Variants in KALRN observed in about 807,000 individuals in gnomAD.
The protein encoded by KALRN is kalirin.
A neutral mutation model predicts 353.7 loss-of-function variants in KALRN; 70 were observed. The observed-to-expected ratio is 0.20, with a 90% confidence interval of 0.16 to 0.24. KALRN has a LOEUF of 0.24. Among genes scored for constraint, KALRN ranks in the 10% least tolerant of loss-of-function variants. The pLI is 1.00. For missense variants in KALRN, 2,791 were observed against 3,756.7 expected (o/e 0.74, Z 6.72); for synonymous variants, 1,391 against 1,434.8 (o/e 0.97, Z 0.69).
At chr3:124,654,095 G>T (rs1312510848) in intron 38 of KALRN, among the ~76,000 whole-genome samples, 1 of 152,158 alleles carries the variant, frequency 6.6e-6, no homozygotes, top group African/African-American at 2.4e-5. Flanking sequence ...TCTCCAGAGG[G>T]CCCTCCCAGC....
chr3:124,518,897 A>C, intron 33 of KALRN: 1 of 1,013,338 alleles, frequency 9.9e-7, no homozygotes, highest in Non-Finnish European at 1.2e-6. Context: ...CATTTCTATT[A>C]TCAGTGGCCC....
chr3:124,221,837 A>C (rs913158004), intron 1 of KALRN, among the ~76,000 whole-genome samples: 1 of 152,130 alleles, frequency 6.6e-6, no homozygotes, highest in African/African-American at 2.4e-5. Flanking sequence ...ATTGGGGGAA[A>C]TGGACACTCG....
chr3:124,218,131 G>A (rs2150576355), intron 1 of KALRN, among the ~76,000 whole-genome samples: 1 of 152,280 alleles, frequency 6.6e-6, no homozygotes, highest in East Asian at 1.9e-4. Flanking sequence ...TGGAGAGGTG[G>A]TTGAGGGGAG....
chr3:124,595,904 A>T (rs2076222594), intron 34 of KALRN, among the ~76,000 whole-genome samples: 1 of 152,176 alleles, frequency 6.6e-6, no homozygotes, highest in Admixed American at 6.5e-5. Flanking sequence ...GGGTATAAAA[A>T]GTATATTTTG....
intron 1 of KALRN, among the ~76,000 whole-genome samples, chr3:124,158,984 C>T (rs547843516): frequency 2.0e-5 from 3 of 152,236 alleles, no homozygotes; most frequent in Non-Finnish European, 2.9e-5. Flanking sequence ...GACTCAGGGC[C>T]CTATAGGATC....
chr3:124,656,233 GAA>G (rs879342189), intron 39 of KALRN, among the ~76,000 whole-genome samples: 1 of 144,082 alleles, frequency 6.9e-6, no homozygotes. Flanking sequence ...ACACTTGGAT[GAA>G]AAAAAAAAAG....
intron 34 of KALRN, among the ~76,000 whole-genome samples, chr3:124,623,374 A>AG (rs1491394774): frequency 6.3e-5 from 1 of 15,962 alleles, no homozygotes; most frequent in African/African-American, 6.6e-4. Context: ...CTAATAGGAG[A>AG]TATATATATA....
chr3:124,672,948 A>G (rs638779), intron 48 of KALRN, among the ~76,000 whole-genome samples: 94,528 of 152,074 alleles, frequency 0.62, 30,502 homozygotes, highest in African/African-American at 0.81. Flanking sequence ...TATTGGTTAT[A>G]TTAAAAAATT....
intron 13 of KALRN, among the ~76,000 whole-genome samples, chr3:124,402,974 C>T (rs1366290894): frequency 6.6e-6 from 1 of 152,176 alleles, no homozygotes; most frequent in Non-Finnish European, 1.5e-5. Context: ...ACTCGTTAAA[C>T]CACGTGTCTT....
chr3:124,286,705 T>C (rs2075946011), intron 5 of KALRN, among the ~76,000 whole-genome samples: 1 of 152,246 alleles, frequency 6.6e-6, no homozygotes, highest in Non-Finnish European at 1.5e-5. Context: ...TAGATTATGA[T>C]TCTCCATTGG....
chr3:124,442,233 C>T (rs151321308), intron 19 of KALRN, among the ~76,000 whole-genome samples, 174 bp downstream of exon 19: 7 of 152,240 alleles, frequency 4.6e-5, no homozygotes, highest in East Asian at 1.9e-4. Context: ...TTTTTAAACA[C>T]GCATCAAGAT....
At chr3:124,516,903 C>T (rs1399518608) in intron 33 of KALRN, among the ~76,000 whole-genome samples, 4 of 151,962 alleles carry the variant, frequency 2.6e-5, no homozygotes, top group South Asian at 4.2e-4. Flanking sequence ...CTGCAACCTC[C>T]GCCTCCCAGG....
chr3:124,381,396 A>G (rs1208994582), intron 10 of KALRN, among the ~76,000 whole-genome samples: 2 of 152,182 alleles, frequency 1.3e-5, no homozygotes, highest in Non-Finnish European at 2.9e-5. Context: ...GAAGAAGGGC[A>G]TTGCACACCG....
chr3:124,227,766 A>C (rs1188019058), intron 1 of KALRN, among the ~76,000 whole-genome samples: 1 of 130,336 alleles, frequency 7.7e-6, no homozygotes, highest in African/African-American at 2.9e-5. Context: ...CCTCTCCTTG[A>C]GAAGGACTAG....
chr3:124,273,890 T>C (rs2074429245), intron 5 of KALRN, among the ~76,000 whole-genome samples: 1 of 152,216 alleles, frequency 6.6e-6, no homozygotes, highest in Non-Finnish European at 1.5e-5. Context: ...TCACCACTCA[T>C]TGGCCTGGTG....
chr3:124,334,670 T>C lies in KALRN; in HGVS notation c.1647+175T>C, dbSNP rs2080941684. On this transcript the variant is annotated intron_variant, in intron 9 of 59. Coordinates refer to ENST00000682506, the MANE Select transcript of KALRN (RefSeq NM_001388419.1). This position sits in a 1 kb window ranked among gnomAD's most constrained non-coding sequence, Gnocchi z 4.2. ...CAAAACACAGAACAAAAACTGGACC[T>C]GTGAATTGCATATTTCTTGCCTAAG... Among the ~76,000 whole-genome samples, 1 of 152,232 alleles carries C rather than the reference T, an allele frequency of 6.6e-6. No homozygotes were observed. The highest frequency in any genetic ancestry group is 2.4e-5 in the African/African-American group (1 of 41,462).
intron 1 of KALRN, among the ~76,000 whole-genome samples, chr3:124,171,700 T>A (rs189481722): frequency 6.6e-6 from 1 of 152,316 alleles, no homozygotes; most frequent in Admixed American, 6.5e-5. Flanking sequence ...ATAAACAACC[T>A]ACCACAGAAG....
chr3:124,390,336 C>T (rs1358458741), intron 11 of KALRN, among the ~76,000 whole-genome samples: 1 of 152,230 alleles, frequency 6.6e-6, no homozygotes, highest in Non-Finnish European at 1.5e-5. Context: ...CCAGCCTCTG[C>T]TCTTTATTAG....
At chr3:124,168,855 T>C (rs1287222031) in intron 1 of KALRN, among the ~76,000 whole-genome samples, 2 of 152,204 alleles carry the variant, frequency 1.3e-5, no homozygotes, top group African/African-American at 4.8e-5. Context: ...TGTGTCTTCA[T>C]TGTCAACACT....
Sources: gnomAD v4.1 joint callset for allele counts (sites outside exome capture counted in the v4.1 genomes callset) on GRCh38, gnomAD v4.1.1 for gene constraint, Gnocchi (gnomAD v3.1) non-coding constraint, MANE v1.5 for transcripts, NCBI Gene and HGNC (gene_info 2026-07-23, HGNC 2026-07-21) for gene names.